ESRRB: variants seen among roughly 807,000 people sequenced by gnomAD.
ESRRB encodes steroid hormone receptor ERR2.
A neutral mutation model predicts 46.0 loss-of-function variants in ESRRB; 16 were observed. That is an observed-to-expected ratio of 0.35 (90% confidence interval 0.24 to 0.53). ESRRB has a LOEUF of 0.53. ESRRB is among the 20% of genes least tolerant of loss of function. ESRRB has a pLI of 0.93. For missense variants in ESRRB, 488 were observed against 607.4 expected (o/e 0.80, Z 2.07); for synonymous variants, 246 against 259.6 (o/e 0.95, Z 0.50).
chr14:76,323,168 C>A (rs1214597454), intron 1 of ESRRB, among the ~76,000 whole-genome samples: 2 of 152,098 alleles, frequency 1.3e-5, no homozygotes, highest in Admixed American at 6.5e-5. Flanking sequence ...CATTGAAAAC[C>A]TCAGATCACC....
At chr14:76,311,974 G>GA (rs11384140) in intron 1 of ESRRB, among the ~76,000 whole-genome samples, 18,613 of 81,392 alleles carry the variant, frequency 0.23, 1,444 homozygotes, top group African/African-American at 0.26. Context: ...CCTACATTTT[G>GA]AAAAAAAAAA....
At chr14:76,444,958 T>C (rs1888069962) in intron 2 of ESRRB, among the ~76,000 whole-genome samples, 1 of 151,224 alleles carries the variant, frequency 6.6e-6, no homozygotes, top group Non-Finnish European at 1.5e-5. Context: ...AAGCCAGGAG[T>C]TCCAGCCCAG....
chr14:76,405,900 C>G (rs1428117132), intron 1 of ESRRB, among the ~76,000 whole-genome samples: 3 of 152,002 alleles, frequency 2.0e-5, no homozygotes, highest in Admixed American at 2.0e-4. Context: ...GCCTGGGTGA[C>G]AGAGTGAGAC....
chr14:76,361,504 T>C lies in ESRRB; in HGVS notation c.2+50588T>C, dbSNP rs537251478. Among the ~76,000 whole-genome samples the C allele has an allele frequency of 5.9e-5, 9 of 152,318 alleles. No individual in the cohort carries two copies. The South Asian group carries it at 1.5e-3, about 25-fold the overall frequency. Reference sequence around the variant, plus strand: ...CCAAGACTAAGAAATCGAAGTAGTATACATACTTCTGAGAGTTATCTCAGC... The same window carrying C: ...CCAAGACTAAGAAATCGAAGTAGTACACATACTTCTGAGAGTTATCTCAGC... On this transcript the variant is annotated intron_variant, in intron 1 of 6. Coordinates refer to the ESRRB transcript ENST00000512784.
chr14:76,344,847 CAAAA>C lies in ESRRB; in HGVS notation c.2+33943_2+33946del, dbSNP rs563442204. 2.3e-4 allele frequency among the ~76,000 whole-genome samples: 26 copies of C among 114,976 alleles called. 1 individual carries two copies. The South Asian group carries it at 6.9e-3, about 30-fold the overall frequency. 75.4% of individuals were successfully genotyped at this position (114,976 alleles called of 152,430 possible). On this transcript the variant is annotated intron_variant, in intron 1 of 6. Transcript: ENST00000512784. ...AGCCTGGGTGACAGAGACTCCATCT[CAAAA>C]AAAAAAAAAAAGAATAATAGTGTCC... is the stretch of plus-strand genomic sequence containing the variant.
chr14:76,463,397 G>T (rs12100889), intron 3 of ESRRB: 14,046 of 151,360 alleles, frequency 0.093, 692 homozygotes, highest in East Asian at 0.15. Context: ...TAATCTTCTG[G>T]ACATGTTAAA....
intron 1 of ESRRB, among the ~76,000 whole-genome samples, chr14:76,319,275 A>G (rs2139725011): frequency 6.6e-6 from 1 of 152,340 alleles, no homozygotes; most frequent in East Asian, 1.9e-4. Context: ...TTGATGGTGC[A>G]TCTTTGGGGA....
chr14:76,324,968 T>C (rs1164843439), intron 1 of ESRRB, among the ~76,000 whole-genome samples: 12 of 104,560 alleles, frequency 1.1e-4, no homozygotes, highest in Non-Finnish European at 2.0e-4. Flanking sequence ...TTTTTCTTTT[T>C]TTTTTTTTTT....
At chr14:76,349,651 G>T (rs1383710880) in intron 1 of ESRRB, among the ~76,000 whole-genome samples, 3 of 152,156 alleles carry the variant, frequency 2.0e-5, no homozygotes, top group Non-Finnish European at 4.4e-5. Flanking sequence ...GTAAGAGAAG[G>T]ATGAGAAAAA....
chr14:76,389,163 T>C (rs1885366438), intron 1 of ESRRB, among the ~76,000 whole-genome samples: 1 of 152,196 alleles, frequency 6.6e-6, no homozygotes, highest in Admixed American at 6.5e-5. Flanking sequence ...CTTGTATTGC[T>C]TCCCCCAACC....
intron 1 of ESRRB, among the ~76,000 whole-genome samples, chr14:76,392,577 T>C (rs1368258569): frequency 1.3e-5 from 2 of 152,198 alleles, no homozygotes; most frequent in African/African-American, 4.8e-5. Context: ...CCACTGTTTC[T>C]ATCACAGATC....
At chr14:76,468,148 G>GTATTTAT (rs1889201606) in intron 3 of ESRRB, among the ~76,000 whole-genome samples, 1 of 152,148 alleles carries the variant, frequency 6.6e-6, no homozygotes, top group African/African-American at 2.4e-5. Flanking sequence ...TAATGGCCTT[G>GTATTTAT]TATTTATAGA....
intron 1 of ESRRB, among the ~76,000 whole-genome samples, chr14:76,339,821 C>T (rs1239816026): frequency 2.0e-5 from 3 of 152,176 alleles, no homozygotes; most frequent in Non-Finnish European, 4.4e-5. Flanking sequence ...CCGCGTGCCC[C>T]GTCACATCGC....
chr14:76,429,635 A>G (rs2885228), intron 1 of ESRRB, among the ~76,000 whole-genome samples: 12,541 of 152,220 alleles, frequency 0.082, 693 homozygotes, highest in East Asian at 0.19. Flanking sequence ...CTGTAATCCC[A>G]GCTACTCAGG....
intron 1 of ESRRB, among the ~76,000 whole-genome samples, chr14:76,331,325 G>A (rs1007151042): frequency 6.6e-6 from 1 of 152,272 alleles, no homozygotes; most frequent in Admixed American, 6.5e-5. Context: ...TCAAATCCTG[G>A]CCCCATCTGT....
At chr14:76,358,405 A>AAGAAAGAAAGAAAGAAAGAT (rs1566859729) in intron 1 of ESRRB, among the ~76,000 whole-genome samples, 3 of 140,390 alleles carry the variant, frequency 2.1e-5, no homozygotes, top group Non-Finnish European at 3.1e-5. Context: ...GAAAGAAAGA[A>AAGAAAGAAAGAAAGAAAGAT]AGAAAGAAAA....
chr14:76,318,571 C>A (rs1364829299), intron 1 of ESRRB, among the ~76,000 whole-genome samples: 1 of 152,180 alleles, frequency 6.6e-6, no homozygotes, highest in South Asian at 2.1e-4. Context: ...CCTTGGGCAA[C>A]TGTCCCAGCC....
At chr14:76,366,324 G>A (rs1361764792) in intron 1 of ESRRB, among the ~76,000 whole-genome samples, 2 of 152,062 alleles carry the variant, frequency 1.3e-5, no homozygotes, top group Non-Finnish European at 2.9e-5. Flanking sequence ...CCCTCAACAC[G>A]AACACACAAA....
chr14:76,348,254 C>T (rs555325006), intron 1 of ESRRB, among the ~76,000 whole-genome samples: 2 of 152,258 alleles, frequency 1.3e-5, no homozygotes, highest in South Asian at 4.1e-4. Flanking sequence ...ACACTGATAA[C>T]CTTTCCCCCA....
Sources: allele counts gnomAD v4.1 joint callset (sites outside exome capture counted in the v4.1 genomes callset), GRCh38; gene constraint gnomAD v4.1.1; transcripts MANE v1.5; gene names NCBI Gene and HGNC (gene_info 2026-07-23, HGNC 2026-07-21).